Variants in CHD2 observed in about 807,000 individuals in gnomAD.
The protein encoded by CHD2 is chromodomain helicase DNA binding protein 2.
CHD2 carries 28 observed loss-of-function variants against 243.9 expected under a neutral mutation model. The observed-to-expected ratio is 0.11, with a 90% CI of 0.09 to 0.16. The LOEUF (loss-of-function observed/expected upper bound fraction) is 0.16, where lower values mean the gene tolerates loss of function less well. Among genes scored for constraint, CHD2 ranks in the 10% least tolerant of loss-of-function variants. The pLI is 1.00. For synonymous variants in CHD2, 775 were observed against 779.0 expected, an observed-to-expected ratio of 0.99 and a Z score of 0.09; for missense variants, 1,386 against 2,209.8, an observed-to-expected ratio of 0.63 and a Z score of 7.47.
chr15:92,916,011 ACTCTCTT>A (rs10532695), intron 2 of CHD2, among the ~76,000 whole-genome samples: 49,416 of 149,812 alleles, frequency 0.33, 8,165 homozygotes, highest in South Asian at 0.45. Flanking sequence ...CTATGCCTCT[ACTCTCTT>A]CTCACATGGA....
chr15:92,961,656 C>T (rs2141822959), intron 16 of CHD2, among the ~76,000 whole-genome samples: 1 of 152,242 alleles, frequency 6.6e-6, no homozygotes, highest in Middle Eastern at 3.4e-3. Flanking sequence ...AAGTGATCCT[C>T]CCGCCTCTGT....
intron 2 of CHD2, among the ~76,000 whole-genome samples, chr15:92,904,202 T>C (rs1487500340): frequency 1.3e-5 from 2 of 152,262 alleles, no homozygotes; most frequent in Non-Finnish European, 2.9e-5. Flanking sequence ...ACAAAATGGC[T>C]GTTCCTTTGT....
In CHD2 at chr15:93,020,437, C is replaced by A; in HGVS notation, c.5153+179C>A. 5.5e-6 allele frequency: 4 copies of A among 725,060 alleles called. No homozygotes were observed. In the South Asian group the frequency reaches 5.6e-5, roughly 10 times the overall value. The allele number at this position is 725,060 out of a possible 1,614,324, so 44.9% of individuals were successfully genotyped here. A position where few individuals can be genotyped will look rare whatever the true frequency, so the allele number is the denominator to read the frequency against. ...AGGTTTTATGTTTTGTTTTGTGGGT[C>A]ATAGGGAGCACATTTCACCTGTGCA... On this transcript the variant is annotated intron_variant, in intron 38 of 38. Coordinates refer to ENST00000394196, the MANE Select transcript of CHD2 (RefSeq NM_001271.4).
chr15:93,003,952 C>T (rs1221210151), intron 33 of CHD2, among the ~76,000 whole-genome samples: 2 of 151,750 alleles, frequency 1.3e-5, no homozygotes, highest in East Asian at 1.9e-4. Context: ...GGTGAAACCC[C>T]GTCTGTACTA....
At chr15:92,943,115 G>A (rs2053408368) in intron 9 of CHD2, 47 bp downstream of exon 9, 1 of 1,471,294 alleles carries the variant, frequency 6.8e-7, no homozygotes, top group Non-Finnish European at 9.4e-7. Flanking sequence ...CAGCCTGAAA[G>A]AAGGGAAGGT....
At chr15:92,918,262 T>C (rs2052881605) in intron 2 of CHD2, among the ~76,000 whole-genome samples, 1 of 152,246 alleles carries the variant, frequency 6.6e-6, no homozygotes, top group African/African-American at 2.4e-5. Context: ...CCAAATTCTT[T>C]TTATCCACAA....
chr15:92,915,408 G>T (rs1267398137), intron 2 of CHD2, among the ~76,000 whole-genome samples: 1 of 152,026 alleles, frequency 6.6e-6, no homozygotes, highest in Non-Finnish European at 1.5e-5. Flanking sequence ...CCGAGTAGCT[G>T]GGACTACAGG....
intron 8 of CHD2, among the ~76,000 whole-genome samples, chr15:92,942,369 A>T (rs2053395791): frequency 6.6e-6 from 1 of 152,022 alleles, no homozygotes; most frequent in African/African-American, 2.4e-5. Flanking sequence ...TCTGTAAAGG[A>T]AATACCAAAA....
chr15:92,993,883 G>GGCTGCAGTGAGTTGAGATCATGCC (rs756253552), intron 28 of CHD2, among the ~76,000 whole-genome samples: 3 of 152,184 alleles, frequency 2.0e-5, no homozygotes, highest in Non-Finnish European at 2.9e-5. Flanking sequence ...AGGAGGCAGA[G>GGCTGCAGTGAGTTGAGATCATGCC]GCTGCAGTGA....
chr15:92,917,855 T>C (rs1324506560), intron 2 of CHD2, among the ~76,000 whole-genome samples: 2 of 152,244 alleles, frequency 1.3e-5, no homozygotes, highest in Non-Finnish European at 2.9e-5. Context: ...TTTTGACATA[T>C]GCCTGACACA....
At chr15:92,928,576 A>G (rs2053108198) in intron 4 of CHD2, among the ~76,000 whole-genome samples, 1 of 152,210 alleles carries the variant, frequency 6.6e-6, no homozygotes, top group South Asian at 2.1e-4. Flanking sequence ...TTTTTATTTG[A>G]TAGTCTCAAT....
intron 34 of CHD2, among the ~76,000 whole-genome samples, chr15:93,008,788 C>T (rs2054354553): frequency 6.6e-6 from 1 of 152,122 alleles, no homozygotes; most frequent in African/African-American, 2.4e-5. Flanking sequence ...TATTTTTAGA[C>T]AGTTTCTGGT....
At chr15:92,941,193 C>T (rs929910277) in intron 7 of CHD2, among the ~76,000 whole-genome samples, 4 of 151,234 alleles carry the variant, frequency 2.6e-5, no homozygotes, top group Non-Finnish European at 2.9e-5. Context: ...ATACGGTCAC[C>T]ATGTTGGCCA....
chr15:92,906,579 A>ATT (rs1342744364), intron 2 of CHD2, among the ~76,000 whole-genome samples: 1 of 151,846 alleles, frequency 6.6e-6, no homozygotes. Flanking sequence ...CTCCCATAAA[A>ATT]TTTGATACAC....
At chr15:93,023,301 T>G (rs1401637533) in intron 38 of CHD2, among the ~76,000 whole-genome samples, 1 of 152,248 alleles carries the variant, frequency 6.6e-6, no homozygotes, top group African/African-American at 2.4e-5. Flanking sequence ...GTGTCTGGCT[T>G]CTTTCACTTA....
chr15:92,942,456 G>A (rs1020818823), intron 8 of CHD2, among the ~76,000 whole-genome samples: 3 of 148,430 alleles, frequency 2.0e-5, no homozygotes, highest in Non-Finnish European at 4.4e-5. Flanking sequence ...GGTTAAGAAA[G>A]TTAACCGGGG....
intron 16 of CHD2, among the ~76,000 whole-genome samples, chr15:92,957,078 T>C (rs1449859961): frequency 6.6e-6 from 1 of 152,242 alleles, no homozygotes; most frequent in Non-Finnish European, 1.5e-5. Context: ...AATGTGTTTA[T>C]TGAAAAGATT....
At chr15:93,008,151 T>G (rs2054345533) in intron 34 of CHD2, among the ~76,000 whole-genome samples, 2 of 152,210 alleles carry the variant, frequency 1.3e-5, no homozygotes, top group African/African-American at 4.8e-5. Context: ...CCCAGTTTCC[T>G]GACTCTCCAG....
chr15:93,002,846 A>T (rs2054274444), intron 33 of CHD2, among the ~76,000 whole-genome samples: 1 of 152,238 alleles, frequency 6.6e-6, no homozygotes, highest in Non-Finnish European at 1.5e-5. Flanking sequence ...AACACAGTAA[A>T]ATCATTGCCA....
Sources: allele counts gnomAD v4.1 joint callset (sites outside exome capture counted in the v4.1 genomes callset), GRCh38; gene constraint gnomAD v4.1.1; transcripts MANE v1.5; gene names NCBI Gene and HGNC (gene_info 2026-07-23, HGNC 2026-07-21).